The following DDIT4L variants were observed in gnomAD, a reference collection of about 807,000 sequenced individuals.
The protein encoded by DDIT4L is DNA damage-inducible transcript 4-like protein.
In DDIT4L, 13 loss-of-function variants were observed where a neutral mutation model predicts 15.9. The ratio of observed to expected loss-of-function variants is 0.82; its 90% confidence interval spans 0.53 to 1.30. DDIT4L has a LOEUF of 1.30. Among genes scored for constraint, DDIT4L ranks in the 50% most tolerant of loss-of-function variants. The pLI is 0.00. For synonymous variants in DDIT4L, 82 were observed against 85.4 expected, an observed-to-expected ratio of 0.96 and a Z score of 0.22; for missense variants, 235 against 224.8, an observed-to-expected ratio of 1.05 and a Z score of -0.29.
At position 100,186,502 on chromosome 4, in the gene DDIT4L, AAAATCAGG is replaced by A. The variant is rs1723422207; in HGVS notation, c.*1167_*1174del. 1 of 152,178 alleles carries A rather than the reference AAAATCAGG, an allele frequency of 6.6e-6. No individual in the cohort carries two copies. The highest frequency in any genetic ancestry group is 2.4e-5 in the African/African-American group (1 of 41,442). The allele number at this position is 152,178 out of a possible 1,614,324, so 9.4% of individuals were successfully genotyped here. ...GATCTACTTAGTTGGAATAAGACAA[AAAATCAGG>A]CCTTTATTATTCCCTAGTGACAGGT... On this transcript the variant is annotated 3_prime_UTR_variant, in exon 3 of 3. Transcript: ENST00000273990.
chr4:100,189,994 TCTGTTTC>T lies in DDIT4L; in HGVS notation c.-18_-12del. 1 of 1,613,530 alleles carries T rather than the reference TCTGTTTC, an allele frequency of 6.2e-7. No individual in the cohort carries two copies. The highest frequency in any genetic ancestry group is 8.5e-7 in the Non-Finnish European group (1 of 1,179,580). ...GCCAGTTGCAACCATGGTCAACGGC[TCTGTTTC>T]CTTCGCGAGGCGCAACGGCCTTTCC... On this transcript the variant is annotated 5_prime_UTR_variant, in exon 2 of 3. Coordinates refer to ENST00000273990, the MANE Select transcript of DDIT4L (RefSeq NM_145244.4).
chr4:100,189,624 C>A (rs1723481117), intron 2 of DDIT4L, among the ~76,000 whole-genome samples: 1 of 152,200 alleles, frequency 6.6e-6, no homozygotes, highest in East Asian at 1.9e-4. Context: ...TAACTGTGTT[C>A]TTCACAATCA....
At chr4:100,190,254 G>A in intron 1 of DDIT4L, 49 bp downstream of exon 1, 1 of 453,014 alleles carries the variant, frequency 2.2e-6, no homozygotes, top group Non-Finnish European at 4.0e-6. Flanking sequence ...CTGCCCCGCG[G>A]AGCGCCCCCC....
In DDIT4L at chr4:100,187,895, C is replaced by T; in HGVS notation, c.364G>A (p.Asp122Asn). ...ACGCTAGAATCACACACAATCCTAT[C>T]CAGCTTTTTACATACATTTTCAATT... The part of the protein sequence containing the change: ...LEIENVCKKL[D>N]RIVCDSSVVP... The change falls in exon 3 of 3, where the codon GAT (aspartate) becomes AAT (asparagine). Residue 122 changes from aspartate (D) to asparagine (N), a missense_variant. Coordinates refer to ENST00000273990, the MANE Select transcript of DDIT4L (RefSeq NM_145244.4). 6.2e-7 allele frequency: 1 copy of T among 1,614,042 alleles called. No homozygotes were observed. The highest frequency in any genetic ancestry group is 8.5e-7 in the Non-Finnish European group (1 of 1,180,022).
In DDIT4L at chr4:100,187,678, T is replaced by A; in HGVS notation, c.581A>T (p.Ter194LeuextTer13). The A allele has an allele frequency of 6.3e-7, 1 of 1,584,914 alleles. No homozygotes were observed. Among genetic ancestry groups the A allele is most frequent in the Non-Finnish European group, 8.5e-7 (1 of 1,173,216 alleles). Reference sequence around the variant, plus strand: ...ATAATCTTTATATATTTTCCCTTTTTAGGACCCTTCAATCACTGTTGTTCC... The same window carrying A: ...ATAATCTTTATATATTTTCCCTTTTAAGGACCCTTCAATCACTGTTGTTCC... ...LIGTTVIEGS[*>L] Residue 194 changes from the stop codon to leucine, a stop_lost, in exon 3 of 3, where the codon TAA becomes TTA. Transcript: ENST00000273990.
In DDIT4L at chr4:100,187,949, G is replaced by C. The variant is rs1426364700; in HGVS notation, c.310C>G (p.Arg104Gly). 1 of 1,613,856 alleles carries C rather than the reference G, an allele frequency of 6.2e-7. No homozygotes were observed. The highest frequency in any genetic ancestry group is 8.5e-7 in the Non-Finnish European group (1 of 1,180,026). Residue 104 changes from arginine (R) to glycine (G), a missense_variant, in exon 3 of 3, where the codon CGA becomes GGA. Transcript: ENST00000273990. ...RLSSTEPCGL[R>G]GCVMHVNLEI... Reference sequence around the variant, plus strand: ...AAGTTCACGTGCATAACACAACCTCGCAAGCCGCAGGGCTCCGTTGAGGAA... The same window carrying C: ...AAGTTCACGTGCATAACACAACCTCCCAAGCCGCAGGGCTCCGTTGAGGAA...
At chr4:100,189,687 A>C (rs1395524747) in intron 2 of DDIT4L, among the ~76,000 whole-genome samples, 1 of 152,230 alleles carries the variant, frequency 6.6e-6, no homozygotes, top group African/African-American at 2.4e-5. Context: ...GACTAGAAAG[A>C]TGCAGCCCTC....
In DDIT4L at chr4:100,190,030, G is replaced by C. The variant is rs1381291851; in HGVS notation, c.-47C>G. Reference sequence around the variant, plus strand: ...CGCGAGGCGCAACGGCCTTTCCTGAGCGCTGGAAAAAATGAGGCGAGAAGA... The same window carrying C: ...CGCGAGGCGCAACGGCCTTTCCTGACCGCTGGAAAAAATGAGGCGAGAAGA... On this transcript the variant is annotated splice_region_variant and 5_prime_UTR_variant, in exon 2 of 3. Coordinates refer to ENST00000273990, the MANE Select transcript of DDIT4L (RefSeq NM_145244.4). 6.3e-6 allele frequency: 10 copies of C among 1,581,786 alleles called. No homozygotes were observed. The highest frequency in any genetic ancestry group is 7.8e-6 in the Non-Finnish European group (9 of 1,152,038).
At position 100,189,911 on chromosome 4, in the gene DDIT4L, G is replaced by C. The variant is rs201322046; in HGVS notation, c.73C>G (p.Pro25Ala). 7.4e-6 allele frequency: 12 copies of C among 1,614,036 alleles called. No homozygotes were observed. Among genetic ancestry groups the C allele is most frequent in the African/African-American group, 1.3e-5 (1 of 75,032 alleles). ...ISELLDCGYH[P>A]ESLLSDFDYW... ...CACTCACCACTTAGCAGGCTCTCTG[G>C]GTGATAGCCACAGTCCAGCAATTCT... The change falls in exon 2 of 3, where the codon CCA becomes GCA. Residue 25 changes from proline to alanine, a missense_variant. Pro to Ala is a conservative substitution (Grantham distance 27). Transcript: ENST00000273990.
chr4:100,190,227 C>T (rs1284865273), intron 1 of DDIT4L, 76 bp downstream of exon 1: 2 of 508,542 alleles, frequency 3.9e-6, no homozygotes, highest in Non-Finnish European at 7.0e-6. Flanking sequence ...CAACAGTTCG[C>T]AAAACTTGGA....
chr4:100,189,540 G>A (rs1045189444), intron 2 of DDIT4L, among the ~76,000 whole-genome samples: 4 of 152,136 alleles, frequency 2.6e-5, no homozygotes, highest in Non-Finnish European at 4.4e-5. Context: ...GGAATACCTG[G>A]CAAATAGGTG....
rs1723423793 is a variant in DDIT4L at position 100,186,622 on chromosome 4, A to C, written c.*1055T>G. Reference sequence around the variant, plus strand: ...AGGCTGTACTATAAACCATATCTCCATAGCCAATGCAGACTTCGTAAATTG... The same window carrying C: ...AGGCTGTACTATAAACCATATCTCCCTAGCCAATGCAGACTTCGTAAATTG... On this transcript the variant is annotated 3_prime_UTR_variant, in exon 3 of 3. Transcript: ENST00000273990. 1 of 152,218 alleles carries C rather than the reference A, an allele frequency of 6.6e-6. No individual in the cohort carries two copies. Among genetic ancestry groups the C allele is most frequent in the Non-Finnish European group, 1.5e-5 (1 of 68,040 alleles). The allele number at this position is 152,218 out of a possible 1,614,324, so 9.4% of individuals were successfully genotyped here.
chr4:100,189,840 TCCAGAGG>T, intron 2 of DDIT4L, 46 bp downstream of exon 2: 3 of 1,574,038 alleles, frequency 1.9e-6, no homozygotes, highest in Non-Finnish European at 2.6e-6. Flanking sequence ...ACCCAATAGA[TCCAGAGG>T]CACCGACCTT....
Position 100,190,445 on chromosome 4 carries a change from C to A in DDIT4L, c.-192G>T, listed in dbSNP as rs2110149629. On this transcript the variant is annotated 5_prime_UTR_variant, in exon 1 of 3. Transcript: ENST00000273990. ...ACCCTGCTCACCCCTCCCGGGCCAC[C>A]CTGCGCCGGCTCCTCGCAGTAGCAT... 5.9e-6 allele frequency: 1 copy of A among 169,952 alleles called. No individual in the cohort carries two copies. Among genetic ancestry groups the A allele is most frequent in the Non-Finnish European group, 1.2e-5 (1 of 80,124 alleles). 10.5% of individuals were successfully genotyped at this position (169,952 alleles called of 1,614,324 possible).
chr4:100,190,234 T>C, intron 1 of DDIT4L, 69 bp downstream of exon 1: 2 of 495,970 alleles, frequency 4.0e-6, no homozygotes, highest in Non-Finnish European at 7.2e-6. Flanking sequence ...TCGCAAAACT[T>C]GGAAGCGACC....
intron 2 of DDIT4L, among the ~76,000 whole-genome samples, chr4:100,189,093 T>A (rs1199711927): frequency 1.3e-5 from 2 of 152,248 alleles, no homozygotes; most frequent in Non-Finnish European, 2.9e-5. Flanking sequence ...CTCCACTTCG[T>A]GTAAGTTTGG....
chr4:100,188,821 C>A (rs1022345319), intron 2 of DDIT4L, among the ~76,000 whole-genome samples: 1 of 152,168 alleles, frequency 6.6e-6, no homozygotes, highest in African/African-American at 2.4e-5. Context: ...GCAGAGAAGA[C>A]CTTTGAGGTT....
chr4:100,189,334 C>T (rs1723474151), intron 2 of DDIT4L, among the ~76,000 whole-genome samples: 2 of 152,170 alleles, frequency 1.3e-5, no homozygotes, highest in South Asian at 4.1e-4. Context: ...ACTGAAAATC[C>T]TACTCAGTAA....
At chr4:100,188,210 T>A (rs989633526) in intron 2 of DDIT4L, 43 bp from the exon 3 acceptor site, 6 of 1,557,850 alleles carry the variant, frequency 3.9e-6, no homozygotes, top group Middle Eastern at 1.7e-4. Context: ...GAAGAAAAAA[T>A]TTAAGAGTAG....
Sources: allele counts gnomAD v4.1 joint callset (sites outside exome capture counted in the v4.1 genomes callset), GRCh38; gene constraint gnomAD v4.1.1; transcripts MANE v1.5; gene names NCBI Gene and HGNC (gene_info 2026-07-23, HGNC 2026-07-21).